The following SH3PXD2A variants were observed in gnomAD, a reference collection of about 807,000 sequenced individuals.
SH3PXD2A encodes SH3 and PX domain-containing protein 2A.
A neutral mutation model predicts 115.2 loss-of-function variants in SH3PXD2A; 32 were observed. That is an observed-to-expected ratio of 0.28 (90% CI 0.21 to 0.37). SH3PXD2A has a LOEUF of 0.37. Ranked by LOEUF, SH3PXD2A falls within the 10% of genes least tolerant of loss-of-function variation. SH3PXD2A has a pLI of 1.00. For missense variants in SH3PXD2A, 1,328 were observed against 1,498.7 expected, an observed-to-expected ratio of 0.89 and a Z score of 1.88; for synonymous variants, 610 against 629.1, an observed-to-expected ratio of 0.97 and a Z score of 0.45.
At chr10:103,731,289 T>G (rs1459643057) in intron 4 of SH3PXD2A, among the ~76,000 whole-genome samples, 1 of 151,182 alleles carries the variant, frequency 6.6e-6, no homozygotes, top group Non-Finnish European at 1.5e-5. Flanking sequence ...GCCTCACCAA[T>G]AGATGGGACT....
chr10:103,707,548 A>C (rs1242740178), intron 5 of SH3PXD2A, among the ~76,000 whole-genome samples: 2 of 151,622 alleles, frequency 1.3e-5, no homozygotes, highest in African/African-American at 4.9e-5. Flanking sequence ...GGGTCTTGCT[A>C]TGTTGCCTAG....
At chr10:103,757,136 A>T (rs577848912) in intron 3 of SH3PXD2A, among the ~76,000 whole-genome samples, 5 of 152,292 alleles carry the variant, frequency 3.3e-5, no homozygotes, top group South Asian at 4.1e-4. Context: ...GTAAAAGGAC[A>T]TTTAGGCATC....
chr10:103,604,857 G>A (rs1282631188), intron 14 of SH3PXD2A, among the ~76,000 whole-genome samples: 1 of 152,216 alleles, frequency 6.6e-6, no homozygotes, highest in Non-Finnish European at 1.5e-5. Flanking sequence ...TCAGTACAGA[G>A]AGAATGATTT....
chr10:103,692,924 A>AC (rs2037775239), intron 6 of SH3PXD2A, 104 bp downstream of exon 6: 1 of 942,584 alleles, frequency 1.1e-6, no homozygotes, highest in African/African-American at 1.7e-5. Flanking sequence ...GTGCAAGGAC[A>AC]ACCCCCCCCT....
At chr10:103,713,579 C>T (rs991968369) in intron 5 of SH3PXD2A, among the ~76,000 whole-genome samples, 1 of 152,246 alleles carries the variant, frequency 6.6e-6, no homozygotes, top group African/African-American at 2.4e-5. Flanking sequence ...CTGCCACTCT[C>T]CTTGAGTAGT....
chr10:103,716,324 C>T (rs12244353), intron 5 of SH3PXD2A, among the ~76,000 whole-genome samples: 27,259 of 152,058 alleles, frequency 0.18, 2,660 homozygotes, highest in East Asian at 0.27. Context: ...TGTTGGGGGC[C>T]CCTGATGGGC....
chr10:103,747,052 C>G (rs1465999260), intron 3 of SH3PXD2A: 2 of 152,346 alleles, frequency 1.3e-5, no homozygotes, highest in Non-Finnish European at 1.5e-5. Context: ...CAGGGCCCAG[C>G]ACAAGGACGG....
intron 2 of SH3PXD2A, among the ~76,000 whole-genome samples, chr10:103,785,830 G>A (rs1000314347): frequency 1.1e-4 from 17 of 151,428 alleles, no homozygotes; most frequent in Non-Finnish European, 7.4e-5. Flanking sequence ...CTTGGGATGC[G>A]GCCGCATCCT....
At chr10:103,721,136 C>T (rs2038176989) in intron 5 of SH3PXD2A, among the ~76,000 whole-genome samples, 1 of 152,224 alleles carries the variant, frequency 6.6e-6, no homozygotes, top group Non-Finnish European at 1.5e-5. Flanking sequence ...CAGGTAGGGA[C>T]GGAACGTGCA....
chr10:103,827,093 C>A (rs1441986898), intron 1 of SH3PXD2A, among the ~76,000 whole-genome samples: 1 of 152,124 alleles, frequency 6.6e-6, no homozygotes, highest in South Asian at 2.1e-4. Flanking sequence ...TTGCAGATGA[C>A]CACATTGAAT....
At chr10:103,606,346 ACTAC>A (rs2036302032) in intron 13 of SH3PXD2A, among the ~76,000 whole-genome samples, 1 of 142,996 alleles carries the variant, frequency 7.0e-6, no homozygotes, top group African/African-American at 2.6e-5. Flanking sequence ...AGTAGCTGGG[ACTAC>A]AGGCACACAC....
intron 8 of SH3PXD2A, among the ~76,000 whole-genome samples, chr10:103,655,378 G>C (rs759369674): frequency 1.1e-4 from 16 of 152,178 alleles, no homozygotes; most frequent in Non-Finnish European, 2.4e-4. Context: ...TCTTTTCTAG[G>C]AGCAGGCGAA....
chr10:103,602,353 C>G lies in SH3PXD2A; in HGVS notation c.2865G>C (p.Gly955=), dbSNP rs1051881587. The G allele has an allele frequency of 1.2e-6, 2 of 1,613,498 alleles. No homozygotes were observed. Among genetic ancestry groups the G allele is most frequent in the African/African-American group, 2.7e-5 (2 of 74,926 alleles). ...ATPPIPSKPP[G]GFGKTSGTPA... is the part of the protein sequence containing the mutation. ...GAGTGCCTGAGGTCTTGCCGAAGCC[C>G]CCGGGAGGTTTGGAGGGGATGGGGG... Residue 955 remains glycine, a synonymous_variant, in exon 15 of 15, where the codon GGG becomes GGC. Transcript: ENST00000369774.
Position 103,594,235 on chromosome 10 carries a change from C to T in SH3PXD2A, c.*7581G>A, listed in dbSNP as rs1334050457. ...GCTGGTCCCTTCCCCAAGGGCACTG[C>T]ATTTTTGTGATGAGATTAAAAACAA... On this transcript the variant is annotated 3_prime_UTR_variant, in exon 15 of 15. Transcript: ENST00000369774. The T allele has an allele frequency of 6.6e-6, 1 of 152,590 alleles. No individual in the cohort carries two copies. Among genetic ancestry groups the T allele is most frequent in the Non-Finnish European group, 1.5e-5 (1 of 68,036 alleles). The allele number at this position is 152,590 out of a possible 1,614,324, so 9.5% of individuals were successfully genotyped here.
Position 103,820,986 on chromosome 10 carries a change from C to T in SH3PXD2A, c.73-19624G>A, listed in dbSNP as rs146746978. 5.5e-3 allele frequency among the ~76,000 whole-genome samples: 830 copies of T among 152,252 alleles called. 2 individuals carry two copies. Among genetic ancestry groups the T allele is most frequent in the African/African-American group, 0.016 (667 of 41,538 alleles). On this transcript the variant is annotated intron_variant, in intron 1 of 14. Transcript: ENST00000369774. ...TGGTGTAAGATCTTGGACAAATCAA[C>T]GAGTTTCTCTGACCCTGCATTTCCT... is the stretch of plus-strand genomic sequence containing the variant.
At chr10:103,637,740 G>GA (rs1221834576) in intron 8 of SH3PXD2A, among the ~76,000 whole-genome samples, 1 of 152,176 alleles carries the variant, frequency 6.6e-6, no homozygotes, top group African/African-American at 2.4e-5. Context: ...GACGGGTGGG[G>GA]AGACACTGAG....
At chr10:103,786,714 G>T (rs993592785) in intron 2 of SH3PXD2A, among the ~76,000 whole-genome samples, 13 of 152,216 alleles carry the variant, frequency 8.5e-5, no homozygotes, top group African/African-American at 3.1e-4. Context: ...GAGAGTGGTG[G>T]TGCCTACATC....
intron 5 of SH3PXD2A, among the ~76,000 whole-genome samples, chr10:103,711,699 C>T (rs914941406): frequency 2.0e-5 from 3 of 152,172 alleles, no homozygotes; most frequent in African/African-American, 7.2e-5. Context: ...TCCCCTCACA[C>T]AGGAGCAGAG....
At chr10:103,850,282 C>T (rs1283113656) in intron 1 of SH3PXD2A, among the ~76,000 whole-genome samples, 1 of 152,074 alleles carries the variant, frequency 6.6e-6, no homozygotes, top group African/African-American at 2.4e-5. Flanking sequence ...CCCTGGTTTG[C>T]CCCCCAAAAG....
Sources: allele counts gnomAD v4.1 joint callset (sites outside exome capture counted in the v4.1 genomes callset), GRCh38; gene constraint gnomAD v4.1.1; transcripts MANE v1.5; gene names NCBI Gene and HGNC (gene_info 2026-07-23, HGNC 2026-07-21).